Variants in SH2D4B observed in about 807,000 individuals in gnomAD.
SH2D4B encodes the protein SH2 domain containing 4B.
SH2D4B carries 45 observed loss-of-function variants against 61.5 expected under a neutral mutation model. The ratio of observed to expected loss-of-function variants is 0.73; its 90% CI spans 0.58 to 0.94. The LOEUF is 0.94. Ranked by LOEUF, SH2D4B falls within the 40% of genes least tolerant of loss-of-function variation. The pLI is 0.00. For synonymous variants in SH2D4B, 224 were observed against 220.4 expected (o/e 1.02, Z -0.14); for missense variants, 572 against 574.2 (o/e 1.00, Z 0.04).
At chr10:80,567,216 G>A (rs1255412535) in intron 1 of SH2D4B, among the ~76,000 whole-genome samples, 1 of 152,172 alleles carries the variant, frequency 6.6e-6, no homozygotes, top group Non-Finnish European at 1.5e-5. Context: ...CCTGAAAATG[G>A]CACAAATCCC....
chr10:80,614,862 C>A (rs1417353876), intron 6 of SH2D4B, among the ~76,000 whole-genome samples: 1 of 152,238 alleles, frequency 6.6e-6, no homozygotes, highest in African/African-American at 2.4e-5. Flanking sequence ...TGTTCTCCAC[C>A]CTGTGACTGT....
rs749613610 is a variant in SH2D4B, at chr10:80,603,613, C to A, written c.678C>A (p.Ser226Arg). Residue 226 changes from serine (S) to arginine (R), a missense_variant, in exon 5 of 8, where the codon AGC (serine) becomes AGA (arginine). Coordinates refer to ENST00000646907, the MANE Select transcript of SH2D4B (RefSeq NM_001388272.1). ...CCAAGGCGGCTGATGAGGAGAGGAG[C>A]CGCCGAGCCCAGCGCGCCCGGGACG... is the stretch of plus-strand genomic sequence containing the variant. Reference protein sequence around the residue: ...RRSKAADEERSRRAQRARDEY... With the variant: ...RRSKAADEERRRRAQRARDEY... The A allele has an allele frequency of 6.3e-7, 1 of 1,575,478 alleles. No individual in the cohort carries two copies. Among genetic ancestry groups the A allele is most frequent in the East Asian group, 2.3e-5 (1 of 43,040 alleles).
At chr10:80,572,987 T>TA (rs1491317353) in intron 3 of SH2D4B, among the ~76,000 whole-genome samples, 39 of 4,522 alleles carry the variant, frequency 8.6e-3, no homozygotes, top group Non-Finnish European at 0.014. Flanking sequence ...TATATATATA[T>TA]TTTTTTTTTT....
At chr10:80,609,792 G>C (rs1329173692) in intron 6 of SH2D4B, among the ~76,000 whole-genome samples, 6 of 152,208 alleles carry the variant, frequency 3.9e-5, no homozygotes, top group Non-Finnish European at 8.8e-5. Context: ...TCACCTCACA[G>C]CCTCTGTAGC....
At chr10:80,627,465 T>C (rs1182266802) in intron 6 of SH2D4B, among the ~76,000 whole-genome samples, 4 of 151,976 alleles carry the variant, frequency 2.6e-5, no homozygotes, top group African/African-American at 7.2e-5. Flanking sequence ...ACTTTTGCAA[T>C]CTTCCCTCCT....
chr10:80,609,196 C>G (rs949338136), intron 5 of SH2D4B, among the ~76,000 whole-genome samples: 41 of 152,238 alleles, frequency 2.7e-4, no homozygotes, highest in African/African-American at 9.6e-4. Flanking sequence ...CTGCAAAATG[C>G]CTTCGAGTAC....
chr10:80,610,657 T>C (rs1194302543), intron 6 of SH2D4B, among the ~76,000 whole-genome samples: 1 of 152,126 alleles, frequency 6.6e-6, no homozygotes, highest in African/African-American at 2.4e-5. Context: ...AAGATGAGCT[T>C]GCCATCTTCC....
chr10:80,544,638 CCCTG>C (rs1010562968), intron 1 of SH2D4B, among the ~76,000 whole-genome samples: 3 of 152,378 alleles, frequency 2.0e-5, no homozygotes, highest in African/African-American at 4.8e-5. Flanking sequence ...TGCATGCCAG[CCCTG>C]CCTGGACCCC....
At chr10:80,564,103 A>C (rs1274109108) in intron 1 of SH2D4B, among the ~76,000 whole-genome samples, 3 of 152,140 alleles carry the variant, frequency 2.0e-5, no homozygotes, top group Admixed American at 2.0e-4. Context: ...TTTGATTTTT[A>C]ATTGTCTTTA....
chr10:80,541,457 G>T (rs538288563), intron 1 of SH2D4B, among the ~76,000 whole-genome samples: 1 of 152,244 alleles, frequency 6.6e-6, no homozygotes, highest in Admixed American at 6.5e-5. Context: ...GGAAGCACCT[G>T]CTGTAGCCCT....
rs147834374 is a variant in SH2D4B, at chr10:80,540,635, A to G, written c.184+2120A>G. 7.8e-3 allele frequency among the ~76,000 whole-genome samples: 1,191 copies of G among 152,232 alleles called. 8 individuals are homozygous for G. The highest frequency in any genetic ancestry group is 0.025 in the African/African-American group (1,054 of 41,518). On this transcript the variant is annotated intron_variant, in intron 1 of 7. Transcript: ENST00000646907. ...TCTGTTCATTCACTTCCAAACTCGG[A>G]ACTCCAATTAAACAAGTGAGCTGTG...
Position 80,538,690 on chromosome 10 carries a change from G to C in SH2D4B, c.184+175G>C, listed in dbSNP as rs1271427636. ...CATGAGCCTGTGCTTTTGCCTTTTGGCCAGGACCTTAGGGCTTCGAGGCTG... is the reference window on the plus strand; with the variant it reads ...CATGAGCCTGTGCTTTTGCCTTTTGCCCAGGACCTTAGGGCTTCGAGGCTG... On this transcript the variant is annotated intron_variant, in intron 1 of 7. Coordinates refer to ENST00000646907, the MANE Select transcript of SH2D4B (RefSeq NM_001388272.1). This position sits in a 1 kb window ranked among gnomAD's most constrained non-coding sequence, Gnocchi z 4.8. Among the ~76,000 whole-genome samples the C allele has an allele frequency of 6.6e-6, 1 of 152,170 alleles. No individual in the cohort carries two copies. Among genetic ancestry groups the C allele is most frequent in the Non-Finnish European group, 1.5e-5 (1 of 68,032 alleles).
At chr10:80,616,077 A>G (rs1450184084) in intron 6 of SH2D4B, among the ~76,000 whole-genome samples, 6 of 152,148 alleles carry the variant, frequency 3.9e-5, no homozygotes, top group Non-Finnish European at 8.8e-5. Flanking sequence ...CCTGTGCACA[A>G]AAGAAAGATG....
At chr10:80,643,952 G>C in intron 7 of SH2D4B, 41 bp from the exon 8 acceptor site, 2 of 1,523,500 alleles carry the variant, frequency 1.3e-6, no homozygotes, top group Non-Finnish European at 1.8e-6. Context: ...GTATTTCCCT[G>C]TCTTGATTAT....
chr10:80,610,941 C>G (rs1017094457), intron 6 of SH2D4B, among the ~76,000 whole-genome samples: 6 of 151,960 alleles, frequency 3.9e-5, no homozygotes, highest in Admixed American at 3.3e-4. Flanking sequence ...GAGGCTGAGG[C>G]AGGAGGATCA....
intron 3 of SH2D4B, among the ~76,000 whole-genome samples, chr10:80,579,628 G>A (rs1217885662): frequency 1.3e-5 from 2 of 151,764 alleles, no homozygotes; most frequent in African/African-American, 4.8e-5. Flanking sequence ...TACTCTTAAC[G>A]AACAGACATG....
chr10:80,612,470 C>T (rs1842614157), intron 6 of SH2D4B, among the ~76,000 whole-genome samples: 2 of 152,228 alleles, frequency 1.3e-5, no homozygotes, highest in South Asian at 4.2e-4. Flanking sequence ...TGGGCCAGCT[C>T]AGGCATGCTC....
chr10:80,541,863 C>T (rs531069914), intron 1 of SH2D4B, among the ~76,000 whole-genome samples: 17 of 152,202 alleles, frequency 1.1e-4, no homozygotes, highest in African/African-American at 3.1e-4. Flanking sequence ...AGCTTAGAGG[C>T]GGACTGTGAA....
rs556820734 is a variant in SH2D4B at position 80,629,339 on chromosome 10, G to C, written c.989-4946G>C. ...CTGAGGATGGCATCAAGGAGATGGT[G>C]CTAAACCATTTGTGAGAAATCACCT... is the stretch of plus-strand genomic sequence containing the variant. On this transcript the variant is annotated intron_variant, in intron 6 of 7. Coordinates refer to ENST00000646907, the MANE Select transcript of SH2D4B (RefSeq NM_001388272.1). Among the ~76,000 whole-genome samples the C allele has an allele frequency of 4.0e-4, 61 of 152,296 alleles. No individual in the cohort carries two copies. In the South Asian group the frequency reaches 0.011, roughly 28 times the overall value.
Sources: gnomAD v4.1 joint callset for allele counts (sites outside exome capture counted in the v4.1 genomes callset) on GRCh38, gnomAD v4.1.1 for gene constraint, Gnocchi (gnomAD v3.1) non-coding constraint, MANE v1.5 for transcripts, NCBI Gene and HGNC (gene_info 2026-07-23, HGNC 2026-07-21) for gene names.